The following LCA5L variants were observed in gnomAD, a reference collection of about 807,000 sequenced individuals.
LCA5L encodes lebercilin LCA5 like.
LCA5L carries 35 observed loss-of-function variants against 45.4 expected under a neutral mutation model. The ratio of observed to expected loss-of-function variants is 0.77; its 90% CI spans 0.59 to 1.02. The LOEUF (loss-of-function observed/expected upper bound fraction) is 1.02, where lower values mean the gene tolerates loss of function less well. LCA5L is among the 50% of genes least tolerant of loss of function. The pLI, the probability that LCA5L is intolerant of heterozygous loss-of-function variation, is 0.00. For missense variants in LCA5L, 668 were observed against 761.6 expected (o/e 0.88, Z 1.45); for synonymous variants, 233 against 264.7 (o/e 0.88, Z 1.16).
chr21:39,428,555 T>C, intron 4 of LCA5L, 52 bp from the exon 5 acceptor site: 1 of 608,068 alleles, frequency 1.6e-6, no homozygotes, highest in Non-Finnish European at 2.5e-6. Context: ...TTTATTGACA[T>C]TAAAATGAAC....
At chr21:39,419,026 A>C (rs2041806467) in intron 7 of LCA5L, among the ~76,000 whole-genome samples, 1 of 152,008 alleles carries the variant, frequency 6.6e-6, no homozygotes, top group African/African-American at 2.4e-5. Context: ...AGAAAAAAGG[A>C]ACTCTTTTTT....
At chr21:39,437,585 G>A (rs748984919) in intron 2 of LCA5L, among the ~76,000 whole-genome samples, 14 of 151,952 alleles carry the variant, frequency 9.2e-5, no homozygotes, top group Admixed American at 6.6e-4. Flanking sequence ...TCAGTCTCCC[G>A]GGTAGCTGGG....
intron 2 of LCA5L, 100 bp downstream of exon 2, chr21:39,444,035 A>AAAAAC (rs1235308826): frequency 6.6e-6 from 1 of 151,846 alleles, no homozygotes; most frequent in Non-Finnish European, 1.5e-5. Context: ...GTCTTAAAAA[A>AAAAAC]AAAAAAAACA....
At chr21:39,440,096 C>A (rs565177609) in intron 2 of LCA5L, among the ~76,000 whole-genome samples, 1 of 152,012 alleles carries the variant, frequency 6.6e-6, no homozygotes, top group Non-Finnish European at 1.5e-5. Context: ...TATATGTGTG[C>A]GTGTATTTTT....
chr21:39,437,341 G>C (rs190031762), intron 2 of LCA5L, among the ~76,000 whole-genome samples: 23 of 152,178 alleles, frequency 1.5e-4, no homozygotes, highest in Middle Eastern at 3.4e-3. Context: ...GGAGGTACTA[G>C]GTCTAAATAT....
Position 39,423,307 on chromosome 21 carries a change from A to G in LCA5L, c.506T>C (p.Leu169Pro). Reference protein sequence around the residue: ...ADMHHKLEAILTENQFLKQLQ... With the variant: ...ADMHHKLEAIPTENQFLKQLQ... ...TTGTTTCAAAAATTGGTTTTCTGTA[A>G]GGATGGCTTCCAATTTATGATGCAT... The change falls in exon 6 of 11, where the codon CTT becomes CCT. Residue 169 changes from leucine (L) to proline (P), a missense_variant. Transcript: ENST00000288350. 6.2e-7 allele frequency: 1 copy of G among 1,610,760 alleles called. No homozygotes were observed. Among genetic ancestry groups the G allele is most frequent in the Non-Finnish European group, 8.5e-7 (1 of 1,179,192 alleles).
chr21:39,423,186 AT>A lies in LCA5L; in HGVS notation c.626del (p.Asn209IlefsTer2). 6.2e-7 allele frequency: 1 copy of A among 1,613,152 alleles called. No homozygotes were observed. Among genetic ancestry groups the A allele is most frequent in the Middle Eastern group, 1.6e-4 (1 of 6,062 alleles). ...IMAKHQNEVK[N>X]LRQLLRKSQE... ...GGGATTTCCTAAGTAGTTGCCTTAA[AT>A]TTTTTACTTCATTCTGATGTTTAGC... On this transcript the variant is annotated frameshift_variant, in exon 6 of 11. Coordinates refer to ENST00000288350, the MANE Select transcript of LCA5L (RefSeq NM_152505.4). LOFTEE classifies it high-confidence loss of function.
intron 3 of LCA5L, among the ~76,000 whole-genome samples, chr21:39,432,825 G>A (rs1190994131): frequency 6.6e-6 from 1 of 152,142 alleles, no homozygotes; most frequent in African/African-American, 2.4e-5. Flanking sequence ...ATTCATCCAT[G>A]TTACTATGTG....
chr21:39,416,468 T>G (rs2041174398), intron 7 of LCA5L, among the ~76,000 whole-genome samples: 1 of 152,196 alleles, frequency 6.6e-6, no homozygotes, highest in Non-Finnish European at 1.5e-5. Context: ...GTTCATCTAG[T>G]GTATTTCCTG....
rs143896955 is a variant in LCA5L at position 39,407,047 on chromosome 21, C to T, written c.1283-435G>A. Among the ~76,000 whole-genome samples, 540 of 152,052 alleles carry T rather than the reference C, an allele frequency of 3.6e-3. 6 individuals carry two copies. The highest frequency in any genetic ancestry group is 0.012 in the African/African-American group (498 of 41,476). On this transcript the variant is annotated intron_variant, in intron 10 of 10. Coordinates refer to ENST00000288350, the MANE Select transcript of LCA5L (RefSeq NM_152505.4). ...TCTGAGACCAGCCTGGGCAACATAGCGAAACCCTGTCTCTACAAAAAATAC... is the reference window on the plus strand; with the variant it reads ...TCTGAGACCAGCCTGGGCAACATAGTGAAACCCTGTCTCTACAAAAAATAC...
Position 39,409,978 on chromosome 21 carries a change from C to A in LCA5L, c.1282+1G>T. 6.9e-7 allele frequency: 1 copy of A among 1,451,802 alleles called. No homozygotes were observed. The allele number at this position is 1,451,802 out of a possible 1,614,324, so 89.9% of individuals were successfully genotyped here. On this transcript the variant is annotated splice_donor_variant, in intron 10 of 10. Transcript: ENST00000288350. LOFTEE classifies it high-confidence loss of function. The surrounding 1 kb of genome is among the most constrained non-coding windows in gnomAD (Gnocchi z 4.2). ...GATAGACTTTAAAGAGTTAAAATTACCTTCATATTTTCTCTTAGAATCCTC... is the reference window on the plus strand; with the variant it reads ...GATAGACTTTAAAGAGTTAAAATTAACTTCATATTTTCTCTTAGAATCCTC...
chr21:39,405,795 T>C lies in LCA5L; in HGVS notation c.*87A>G. On this transcript the variant is annotated 3_prime_UTR_variant, in exon 11 of 11. Transcript: ENST00000288350. ...TACTAAAACACACACATACATACAC[T>C]CCCTCTCTCACACATTTCAAAAATA... 9.7e-7 allele frequency: 1 copy of C among 1,027,772 alleles called. No individual in the cohort carries two copies. The highest frequency in any genetic ancestry group is 1.4e-6 in the Non-Finnish European group (1 of 731,862). The allele number at this position is 1,027,772 out of a possible 1,614,324, so 63.7% of individuals were successfully genotyped here. A position where few individuals can be genotyped will look rare whatever the true frequency, so the allele number is the denominator to read the frequency against.
chr21:39,410,240 T>G (rs1224033341), intron 9 of LCA5L, 24 bp downstream of exon 9: 2 of 1,440,102 alleles, frequency 1.4e-6, no homozygotes, highest in East Asian at 4.5e-5. Context: ...AATCAGACAC[T>G]GCAAGATTCC....
chr21:39,410,741 G>T, intron 8 of LCA5L: 1 of 443,492 alleles, frequency 2.3e-6, no homozygotes. Flanking sequence ...TGTCCATGCT[G>T]AAGCGCATGA....
At chr21:39,410,576 G>A (rs1056560894) in intron 8 of LCA5L, among the ~76,000 whole-genome samples, 2 of 152,116 alleles carry the variant, frequency 1.3e-5, no homozygotes, top group African/African-American at 4.8e-5. Context: ...CAGTGTTTGA[G>A]TATAAAACAA....
At chr21:39,420,870 T>A (rs779931133) in intron 6 of LCA5L, 27 bp from the exon 7 acceptor site, 1 of 1,564,644 alleles carries the variant, frequency 6.4e-7, no homozygotes, top group Non-Finnish European at 8.7e-7. Flanking sequence ...TTATAACTAT[T>A]CTGCAACCAA....
At chr21:39,406,717 G>A in intron 10 of LCA5L, 105 bp from the exon 11 acceptor site, 3 of 826,266 alleles carry the variant, frequency 3.6e-6, no homozygotes, top group Non-Finnish European at 5.7e-6. Flanking sequence ...CAAGCACACT[G>A]AAATGACAGA....
At chr21:39,444,420 G>T (rs554551150) in intron 1 of LCA5L, among the ~76,000 whole-genome samples, 5 of 152,120 alleles carry the variant, frequency 3.3e-5, no homozygotes, top group Non-Finnish European at 5.9e-5. Flanking sequence ...TTGCTGACCC[G>T]GTTTAAAAGT....
chr21:39,420,279 T>C (rs1336288076), intron 7 of LCA5L, among the ~76,000 whole-genome samples: 1 of 152,130 alleles, frequency 6.6e-6, no homozygotes, highest in East Asian at 1.9e-4. Flanking sequence ...CCCAGCACTA[T>C]GGGAGACCAA....
Sources: allele counts gnomAD v4.1 joint callset (sites outside exome capture counted in the v4.1 genomes callset), GRCh38; gene constraint gnomAD v4.1.1; non-coding constraint Gnocchi (gnomAD v3.1); transcripts MANE v1.5; gene names NCBI Gene and HGNC (gene_info 2026-07-23, HGNC 2026-07-21).